Variants in IL3RA observed in about 807,000 individuals in gnomAD.
IL3RA encodes interleukin-3 receptor subunit alpha.
Under a neutral mutation model 52.3 loss-of-function variants are expected in IL3RA, and 73 were observed. The ratio of observed to expected loss-of-function variants is 1.40; its 90% CI spans 1.16 to 1.70. IL3RA has a LOEUF of 1.70. Among genes scored for constraint, IL3RA ranks in the 40% most tolerant of loss-of-function variants. The pLI is 0.00. For synonymous variants in IL3RA, 260 were observed against 194.0 expected, an observed-to-expected ratio of 1.34 and a Z score of -2.83; for missense variants, 664 against 504.4, an observed-to-expected ratio of 1.32 and a Z score of -3.03.
chrX:1,380,527 AGGAGGGGGAAGGGGAGGAGGAGGAGGG>A (rs2089115089), intron 10 of IL3RA, among the ~76,000 whole-genome samples: 1 of 9,698 alleles, frequency 1.0e-4, no homozygotes, highest in Non-Finnish European at 2.0e-4. Flanking sequence ...GAAGAGGGGG[AGGAGGGGGAAGGGGAGGAGGAGGAGGG>A]GGAGGAGAGG....
At chrX:1,378,962 C>T (rs2088990912) in intron 10 of IL3RA, among the ~76,000 whole-genome samples, 198 bp downstream of exon 10, 1 of 151,920 alleles carries the variant, frequency 6.6e-6, no homozygotes, top group Admixed American at 6.6e-5. Context: ...CCTGCCTCAG[C>T]CTCCCAAGTA....
At chrX:1,368,704 TG>T (rs1287183467) in intron 9 of IL3RA, among the ~76,000 whole-genome samples, 2 of 150,602 alleles carry the variant, frequency 1.3e-5, no homozygotes, top group East Asian at 3.9e-4. Flanking sequence ...GACGACCCTG[TG>T]GGACACAGGG....
chrX:1,348,682 CT>C (rs372946271), intron 4 of IL3RA, 137 bp downstream of exon 4: 2 of 497,512 alleles, frequency 4.0e-6, no homozygotes, highest in African/African-American at 3.6e-5. Context: ...TTCTTTCTTT[CT>C]TTCTTTCTTT....
At chrX:1,378,078 C>T (rs1282804117) in intron 9 of IL3RA, among the ~76,000 whole-genome samples, 10 of 145,984 alleles carry the variant, frequency 6.9e-5, no homozygotes, top group Non-Finnish European at 4.5e-5. Context: ...CCCAGCTACT[C>T]GGGAGGCAGG....
Position 1,348,413 on chromosome X carries a change from G to T in IL3RA, c.184-18G>T, listed in dbSNP as rs375650173. On this transcript the variant is annotated intron_variant, in intron 3 of 11. Coordinates refer to ENST00000331035, the MANE Select transcript of IL3RA (RefSeq NM_002183.4). Reference sequence around the variant, plus strand: ...GCATGGTCTGTCAGCAGCCATCATAGTCCTATGTCTCTCTTAGGCAGTGAA... The same window carrying T: ...GCATGGTCTGTCAGCAGCCATCATATTCCTATGTCTCTCTTAGGCAGTGAA... The T allele has an allele frequency of 3.8e-6, 6 of 1,569,602 alleles. No homozygotes were observed. The Admixed American group carries it at 5.0e-5, about 13-fold the overall frequency.
At chrX:1,367,648 G>C (rs1304380142) in intron 9 of IL3RA, among the ~76,000 whole-genome samples, 1 of 105,696 alleles carries the variant, frequency 9.5e-6, no homozygotes, top group Non-Finnish European at 1.9e-5. Flanking sequence ...CGGGTGAGCC[G>C]GGTGCGCGGG....
At chrX:1,339,722 G>T (rs1455271439) in intron 1 of IL3RA, among the ~76,000 whole-genome samples, 1 of 152,084 alleles carries the variant, frequency 6.6e-6, no homozygotes, top group African/African-American at 2.4e-5. Flanking sequence ...AACGTGGGAG[G>T]TGGAGGTTGC....
In IL3RA at chrX:1,381,022, G is replaced by T. The variant is rs1286469311; in HGVS notation, c.981-1G>T. The T allele has an allele frequency of 6.2e-7, 1 of 1,613,608 alleles. No individual in the cohort carries two copies. Among genetic ancestry groups the T allele is most frequent in the East Asian group, 2.2e-5 (1 of 44,888 alleles). Reference sequence around the variant, plus strand: ...GCTGGGCCATTTCTCTTTCCTCCGAGGTATCTGGTGATGCAGAGACTCTTT... The same window carrying T: ...GCTGGGCCATTTCTCTTTCCTCCGATGTATCTGGTGATGCAGAGACTCTTT... On this transcript the variant is annotated splice_acceptor_variant, in intron 10 of 11. Transcript: ENST00000331035. LOFTEE classifies it high-confidence loss of function.
rs191007077 is a variant in IL3RA, at chrX:1,342,943, C to T, written c.64+1114C>T. 3.7e-4 allele frequency among the ~76,000 whole-genome samples: 56 copies of T among 151,488 alleles called. No homozygotes were observed. The East Asian group carries it at 7.2e-3, about 20-fold the overall frequency. On this transcript the variant is annotated intron_variant, in intron 2 of 11. Coordinates refer to ENST00000331035, the MANE Select transcript of IL3RA (RefSeq NM_002183.4). Reference sequence around the variant, plus strand: ...TACAAAAATCAGCTGGGCGTGGTGGCGGGCGCCTGTAATCCCAGTTACTCG... The same window carrying T: ...TACAAAAATCAGCTGGGCGTGGTGGTGGGCGCCTGTAATCCCAGTTACTCG...
chrX:1,337,447 T>C (rs1227921304), intron 1 of IL3RA, among the ~76,000 whole-genome samples: 54 of 152,296 alleles, frequency 3.5e-4, no homozygotes, highest in Admixed American at 2.0e-3. Context: ...AGATGGCTGG[T>C]GAAACCTCAG....
rs1248435350 is a variant in IL3RA at position 1,348,615 on chromosome X, C to G, written c.298+70C>G. On this transcript the variant is annotated intron_variant, in intron 4 of 11. Coordinates refer to ENST00000331035, the MANE Select transcript of IL3RA (RefSeq NM_002183.4). ...CCTTCCCTCTCTCCCTCCCTCTCGC[C>G]TTCGCTGTGTCTTTTTTCTTTTCTT... 9.9e-6 allele frequency: 10 copies of G among 1,014,496 alleles called. No homozygotes were observed. In the Admixed American group the frequency reaches 1.1e-4, roughly 11 times the overall value. 62.8% of individuals were successfully genotyped at this position (1,014,496 alleles called of 1,614,324 possible). A position where few individuals can be genotyped will look rare whatever the true frequency, so the allele number is the denominator to read the frequency against.
At chrX:1,349,631 A>C (rs1397997099) in intron 4 of IL3RA, among the ~76,000 whole-genome samples, 3 of 150,490 alleles carry the variant, frequency 2.0e-5, no homozygotes, top group Admixed American at 6.6e-5. Context: ...TTTTTTAATT[A>C]ATTAGAAGTC....
At chrX:1,341,466 C>T (rs754209376) in intron 1 of IL3RA, among the ~76,000 whole-genome samples, 33 of 152,134 alleles carry the variant, frequency 2.2e-4, no homozygotes, top group Admixed American at 7.2e-4. Flanking sequence ...ACAGACATGG[C>T]TACATAGAGG....
At chrX:1,360,137 C>G (rs1245036351) in intron 8 of IL3RA, among the ~76,000 whole-genome samples, 1 of 147,902 alleles carries the variant, frequency 6.8e-6, no homozygotes, top group Non-Finnish European at 1.5e-5. Context: ...TTCTCCGTGT[C>G]TGTCTCTGTG....
At chrX:1,357,966 G>C (rs751555358) in intron 7 of IL3RA, among the ~76,000 whole-genome samples, 8 of 151,562 alleles carry the variant, frequency 5.3e-5, no homozygotes, top group African/African-American at 1.9e-4. Context: ...TTAGCTGGGC[G>C]TGGTGGCGGG....
At position 1,378,780 on chromosome X, in the gene IL3RA, C is replaced by T. The variant is rs373715549; in HGVS notation, c.980+16C>T. 7.0e-5 allele frequency: 112 copies of T among 1,598,826 alleles called. No homozygotes were observed. Among genetic ancestry groups the T allele is most frequent in the African/African-American group, 6.7e-4 (50 of 74,700 alleles). ...TCTGCAGAAGGTGAGCCCTCGAGGGCGTCCGCGAGCGTCGCTTGTTTCCAG... is the reference window on the plus strand; with the variant it reads ...TCTGCAGAAGGTGAGCCCTCGAGGGTGTCCGCGAGCGTCGCTTGTTTCCAG... On this transcript the variant is annotated intron_variant, in intron 10 of 11. Coordinates refer to ENST00000331035, the MANE Select transcript of IL3RA (RefSeq NM_002183.4).
rs199621651 is a variant in IL3RA at position 1,343,671 on chromosome X, A to AAAAAT, written c.65-1641_65-1640insTAAAA. 7.2e-3 allele frequency among the ~76,000 whole-genome samples: 1,025 copies of AAAAAT among 141,428 alleles called. 18 individuals carry two copies. Among genetic ancestry groups the AAAAAT allele is most frequent in the African/African-American group, 0.025 (807 of 32,538 alleles). The allele number at this position is 141,428 out of a possible 152,430, so 92.8% of individuals were successfully genotyped here. On this transcript the variant is annotated intron_variant, in intron 2 of 11. Coordinates refer to ENST00000331035, the MANE Select transcript of IL3RA (RefSeq NM_002183.4). Reference sequence around the variant, plus strand: ...GACAGAGCGAGGCTCCATCTCAAAAAAAAAAAAAAAAAAAGAATATTGCCT... The same window carrying AAAAAT: ...GACAGAGCGAGGCTCCATCTCAAAAAAAAATAAAAAAAAAAAAAAGAATATTGCCT...
intron 1 of IL3RA, among the ~76,000 whole-genome samples, chrX:1,337,351 G>C (rs747721055): frequency 6.6e-6 from 1 of 152,090 alleles, no homozygotes; most frequent in Non-Finnish European, 1.5e-5. Flanking sequence ...ACTGCCAGCC[G>C]GGGAGCCGCT....
At chrX:1,352,743 G>T (rs757046021) in intron 6 of IL3RA, among the ~76,000 whole-genome samples, 156 of 152,282 alleles carry the variant, frequency 1.0e-3, no homozygotes, top group African/African-American at 3.4e-3. Context: ...GAGAGAGAGA[G>T]AGATGAAGTT....
Sources: allele counts gnomAD v4.1 joint callset (sites outside exome capture counted in the v4.1 genomes callset), GRCh38; gene constraint gnomAD v4.1.1; transcripts MANE v1.5; gene names NCBI Gene and HGNC (gene_info 2026-07-23, HGNC 2026-07-21).